GALNT14: variants seen among roughly 807,000 people sequenced by gnomAD.
GALNT14 encodes polypeptide N-acetylgalactosaminyltransferase 14.
In GALNT14, 60 loss-of-function variants were observed where a neutral mutation model predicts 77.5. That is an observed-to-expected ratio of 0.77 (90% CI 0.63 to 0.96). The LOEUF is 0.96. GALNT14 is among the 40% of genes least tolerant of loss of function. The pLI is 0.00. For missense variants in GALNT14, 710 were observed against 731.0 expected (o/e 0.97, Z 0.33); for synonymous variants, 280 against 281.7 (o/e 0.99, Z 0.06).
At chr2:30,908,204 T>G (rs1288463848), downstream of GALNT14, among the ~76,000 whole-genome samples, 2 of 150,922 alleles carry the variant, frequency 1.3e-5, no homozygotes, top group East Asian at 4.0e-4. Flanking sequence ...TTGGAAGTTC[T>G]GGCCAGGGCA....
In GALNT14 at chr2:31,057,876, G is replaced by A. The variant is rs551252076; in HGVS notation, c.130-64869C>T. 1.1e-4 allele frequency among the ~76,000 whole-genome samples: 17 copies of A among 152,158 alleles called. No homozygotes were observed. In the East Asian group the frequency reaches 3.3e-3, roughly 30 times the overall value. On this transcript the variant is annotated intron_variant, in intron 1 of 14. Coordinates refer to ENST00000349752, the MANE Select transcript of GALNT14 (RefSeq NM_024572.4). ...CTTAGGGTTGGGTTGAGCCTCAGCT[G>A]GTTGGAGGCACCTGCAGGAGACCTT... is the stretch of plus-strand genomic sequence containing the variant.
chr2:31,053,484 C>T (rs1025778777), intron 1 of GALNT14, among the ~76,000 whole-genome samples: 1 of 152,040 alleles, frequency 6.6e-6, no homozygotes, highest in Non-Finnish European at 1.5e-5. Flanking sequence ...CAGCTCCAAC[C>T]CCGATAGCCA....
At chr2:31,114,671 T>C (rs187267551) in intron 1 of GALNT14, 102 of 680,312 alleles carry the variant, frequency 1.5e-4, no homozygotes, top group African/African-American at 1.4e-3. Context: ...TGAATAACAA[T>C]AATCCCAGAA....
chr2:30,990,379 C>T (rs371358563), intron 2 of GALNT14, among the ~76,000 whole-genome samples: 18 of 152,152 alleles, frequency 1.2e-4, no homozygotes, highest in South Asian at 2.1e-4. Flanking sequence ...AGGATGAAGC[C>T]GGGACACAGT....
chr2:30,954,251 G>A (rs1274655821), intron 6 of GALNT14, among the ~76,000 whole-genome samples: 2 of 152,320 alleles, frequency 1.3e-5, no homozygotes, highest in South Asian at 2.1e-4. Flanking sequence ...GGAGGGAGGC[G>A]TGCATTTGGA....
chr2:30,995,607 T>C (rs1669981769), intron 1 of GALNT14, among the ~76,000 whole-genome samples: 1 of 152,188 alleles, frequency 6.6e-6, no homozygotes, highest in Admixed American at 6.5e-5. Context: ...GATCCTCCTA[T>C]CTCAGCTCCC....
chr2:30,980,487 C>T (rs1668918820), intron 2 of GALNT14, among the ~76,000 whole-genome samples: 3 of 152,194 alleles, frequency 2.0e-5, no homozygotes, highest in Admixed American at 1.3e-4. Flanking sequence ...AGATGAGGCT[C>T]GGCATTTGAC....
At chr2:30,917,971 G>C (rs1664784336) in intron 13 of GALNT14, among the ~76,000 whole-genome samples, 1 of 152,210 alleles carries the variant, frequency 6.6e-6, no homozygotes, top group Admixed American at 6.5e-5. Context: ...CTGGCTCTCT[G>C]AAGCATCAGC....
intron 1 of GALNT14, among the ~76,000 whole-genome samples, chr2:31,001,496 G>C (rs1336844882): frequency 2.6e-5 from 4 of 152,140 alleles, no homozygotes; most frequent in African/African-American, 7.2e-5. Context: ...AGCCCAAGAA[G>C]GGGACAAAGT....
chr2:30,989,611 A>AAT (rs1376951826), intron 2 of GALNT14, among the ~76,000 whole-genome samples: 5 of 119,302 alleles, frequency 4.2e-5, no homozygotes, highest in South Asian at 5.5e-4. Flanking sequence ...GATATATAAA[A>AAT]ATATATATTA....
intron 14 of GALNT14, among the ~76,000 whole-genome samples, chr2:30,911,304 C>A (rs1417269618): frequency 2.0e-5 from 3 of 151,962 alleles, no homozygotes; most frequent in Admixed American, 6.6e-5. Flanking sequence ...CATTAGGAGG[C>A]AATAACTTTC....
At chr2:31,102,377 C>A (rs1048210870) in intron 1 of GALNT14, among the ~76,000 whole-genome samples, 1 of 152,022 alleles carries the variant, frequency 6.6e-6, no homozygotes, top group Non-Finnish European at 1.5e-5. Flanking sequence ...AGAAAATCTG[C>A]AATTTCAGTT....
intron 1 of GALNT14, among the ~76,000 whole-genome samples, chr2:31,082,064 C>A (rs908408609): frequency 6.6e-6 from 1 of 152,174 alleles, no homozygotes; most frequent in Admixed American, 6.5e-5. Context: ...TACAAACTTA[C>A]CTAGTTGCAA....
chr2:31,106,857 T>A (rs1677584108), intron 1 of GALNT14, among the ~76,000 whole-genome samples: 1 of 152,194 alleles, frequency 6.6e-6, no homozygotes, highest in Non-Finnish European at 1.5e-5. Context: ...CTTTCTTGGA[T>A]CATTTCTTTG....
intron 1 of GALNT14, among the ~76,000 whole-genome samples, chr2:31,013,228 A>C (rs1316559684): frequency 6.6e-6 from 1 of 152,190 alleles, no homozygotes; most frequent in African/African-American, 2.4e-5. Flanking sequence ...AACCTGAAGC[A>C]GAGAAACAGA....
At chr2:31,114,689 A>G in intron 1 of GALNT14, 1 of 702,008 alleles carries the variant, frequency 1.4e-6, no homozygotes, top group Non-Finnish European at 2.6e-6. Flanking sequence ...GAAGGGGAAA[A>G]AGGAACAAAT....
At chr2:30,902,527 C>T in the GALNT14 span, among the ~76,000 whole-genome samples, 3 of 152,028 alleles carry the variant, frequency 2.0e-5, no homozygotes, top group Non-Finnish European at 4.4e-5. Flanking sequence ...TAAGCCACAT[C>T]AAAATAGGCT....
At chr2:30,967,664 C>T (rs1421423893) in intron 2 of GALNT14, among the ~76,000 whole-genome samples, 2 of 152,194 alleles carry the variant, frequency 1.3e-5, no homozygotes, top group Non-Finnish European at 2.9e-5. Flanking sequence ...TTCACCCCTC[C>T]TCTCATGCCC....
At chr2:31,075,179 C>T (rs1075689) in intron 1 of GALNT14, among the ~76,000 whole-genome samples, 90,147 of 152,032 alleles carry the variant, frequency 0.59, 27,597 homozygotes, top group African/African-American at 0.75. Flanking sequence ...GAACAGAGCA[C>T]GTGAGATGCC....
Sources: allele counts gnomAD v4.1 joint callset (sites outside exome capture counted in the v4.1 genomes callset), GRCh38; gene constraint gnomAD v4.1.1; transcripts MANE v1.5; gene names NCBI Gene and HGNC (gene_info 2026-07-23, HGNC 2026-07-21).